Variants in MACF1 observed in about 807,000 individuals in gnomAD.
MACF1 encodes the protein microtubule-actin cross-linking factor 1.
In MACF1, 193 loss-of-function variants were observed where a neutral mutation model predicts 854.8. The ratio of observed to expected loss-of-function variants is 0.23; its 90% CI spans 0.20 to 0.25. MACF1 has a LOEUF of 0.25. Among genes scored for constraint, MACF1 ranks in the 10% least tolerant of loss-of-function variants. MACF1 has a pLI of 1.00. For synonymous variants in MACF1, 3,185 were observed against 3,226.7 expected (o/e 0.99, Z 0.44); for missense variants, 7,722 against 8,929.1 (o/e 0.86, Z 5.45).
At chr1:39,481,147 C>A in intron 99 of MACF1, 117 bp downstream of exon 99, 1 of 616,836 alleles carries the variant, frequency 1.6e-6, no homozygotes, top group South Asian at 2.1e-5. Context: ...GTGGTGCTTG[C>A]TGTCACAGCT....
rs1336410962 is a variant in MACF1 at position 39,385,920 on chromosome 1, G to C, written c.14335G>C (p.Asp4779His). Reference sequence around the variant, plus strand: ...TGCCCTGCCTCTCCAAGGTTTAGAAGACCTTGCAGGTAAGTTGGGGTGAAG... The same window carrying C: ...TGCCCTGCCTCTCCAAGGTTTAGAACACCTTGCAGGTAAGTTGGGGTGAAG... Reference protein sequence around the residue: ...TVALPLQGLEDLAADRINRLQ... With the variant: ...TVALPLQGLEHLAADRINRLQ... Residue 4779 changes from aspartate (D) to histidine (H), a missense_variant, in exon 57 of 101, where the codon GAC becomes CAC. Physicochemically the swap from Asp to His is moderately conservative, Grantham distance 81 (BLOSUM62 -1). Transcript: ENST00000564288. The C allele has an allele frequency of 6.2e-7, 1 of 1,604,750 alleles. No individual in the cohort carries two copies. Among genetic ancestry groups the C allele is most frequent in the Admixed American group, 1.7e-5 (1 of 58,940 alleles).
intron 58 of MACF1, chr1:39,412,142 A>G: frequency 1.2e-6 from 2 of 1,613,986 alleles, no homozygotes; most frequent in Non-Finnish European, 1.7e-6. Flanking sequence ...GAGCTGGCCA[A>G]AGACAATGGC....
intron 2 of MACF1, among the ~76,000 whole-genome samples, chr1:39,143,357 T>C (rs1317285001): frequency 1.3e-5 from 2 of 152,334 alleles, no homozygotes; most frequent in East Asian, 3.9e-4. Flanking sequence ...TGGCAATGTC[T>C]GGTTCATTTG....
chr1:39,295,730 A>C lies in MACF1; in HGVS notation c.2260-57A>C. On this transcript the variant is annotated intron_variant, in intron 19 of 100. Coordinates refer to ENST00000564288, the MANE Select transcript of MACF1 (RefSeq NM_001394062.1). ...TTGTACTTGGAAAATAGTATTGCGC[A>C]TATATATTGAGTCTGTTAAACTCAA... is the stretch of plus-strand genomic sequence containing the variant. 7.3e-6 allele frequency: 9 copies of C among 1,239,652 alleles called. No homozygotes were observed. In the South Asian group the frequency reaches 1.2e-4, roughly 16 times the overall value. 76.8% of individuals were successfully genotyped at this position (1,239,652 alleles called of 1,614,324 possible). A position where few individuals can be genotyped will look rare whatever the true frequency, so the allele number is the denominator to read the frequency against.
chr1:39,202,362 C>T (rs1455814277), upstream of MACF1, among the ~76,000 whole-genome samples: 4 of 151,142 alleles, frequency 2.6e-5, no homozygotes, highest in South Asian at 4.2e-4. Flanking sequence ...GCTGGCCGGG[C>T]GCAGTGGCTC....
At chr1:39,443,806 T>C (rs1004813025) in intron 79 of MACF1, among the ~76,000 whole-genome samples, 2 of 152,318 alleles carry the variant, frequency 1.3e-5, no homozygotes, top group South Asian at 4.1e-4. Flanking sequence ...TCAGCTTTAC[T>C]GGCACACATA....
intron 58 of MACF1, among the ~76,000 whole-genome samples, chr1:39,392,267 C>T (rs1642064836): frequency 6.6e-6 from 1 of 152,060 alleles, no homozygotes; most frequent in Non-Finnish European, 1.5e-5. Flanking sequence ...GTTCCATAGT[C>T]CCCAGGAGGC....
chr1:39,167,256 A>C (rs1052153235), intron 2 of MACF1, among the ~76,000 whole-genome samples: 2 of 149,130 alleles, frequency 1.3e-5, no homozygotes, highest in African/African-American at 4.9e-5. Context: ...GCCACCGCAC[A>C]CAGCCAGGGA....
chr1:39,386,012 C>G (rs1371639586), intron 57 of MACF1, 83 bp downstream of exon 57: 5 of 1,424,820 alleles, frequency 3.5e-6, no homozygotes, highest in Non-Finnish European at 4.7e-6. Context: ...TCCCAAGATT[C>G]TAGGATTCCC....
intron 88 of MACF1, among the ~76,000 whole-genome samples, chr1:39,454,252 G>A (rs1473745174): frequency 6.6e-6 from 1 of 152,198 alleles, no homozygotes; most frequent in African/African-American, 2.4e-5. Context: ...AGAAAATACA[G>A]TATTCACGGG....
At chr1:39,421,507 A>G (rs927954387) in intron 58 of MACF1, among the ~76,000 whole-genome samples, 1 of 152,186 alleles carries the variant, frequency 6.6e-6, no homozygotes, top group Non-Finnish European at 1.5e-5. Context: ...CTTGATCAGA[A>G]TGAAGTTAAA....
chr1:39,368,125 A>G, intron 49 of MACF1, 23 bp from the exon 50 acceptor site: 1 of 1,609,926 alleles, frequency 6.2e-7, no homozygotes, highest in Admixed American at 1.7e-5. Flanking sequence ...AGGATTTAAT[A>G]CATTTCCTTG....
chr1:39,138,606 G>T (rs185994906), intron 2 of MACF1, among the ~76,000 whole-genome samples: 1 of 151,942 alleles, frequency 6.6e-6, no homozygotes, highest in African/African-American at 2.4e-5. Flanking sequence ...AAAATGGCTG[G>T]TGTTAGATGA....
At chr1:39,229,288 G>A (rs1296604777) in intron 1 of MACF1, among the ~76,000 whole-genome samples, 35 of 152,120 alleles carry the variant, frequency 2.3e-4, no homozygotes, top group Admixed American at 2.1e-3. Flanking sequence ...ATTCAAGGCC[G>A]AAAAGAAGGA....
intron 85 of MACF1, 107 bp from the exon 86 acceptor site, chr1:39,452,049 A>G (rs1644352953): frequency 9.9e-7 from 1 of 1,010,896 alleles, no homozygotes; most frequent in African/African-American, 1.6e-5. Context: ...CCCTCTATGC[A>G]TAAAAGACAC....
At chr1:39,278,518 C>A (rs1645481053) in intron 6 of MACF1, among the ~76,000 whole-genome samples, 1 of 152,206 alleles carries the variant, frequency 6.6e-6, no homozygotes, top group African/African-American at 2.4e-5. Context: ...AATGAACATA[C>A]AATATCAATT....
chr1:39,393,781 C>T (rs1047742247), intron 58 of MACF1, among the ~76,000 whole-genome samples: 4 of 142,864 alleles, frequency 2.8e-5, no homozygotes, highest in Admixed American at 1.4e-4. Flanking sequence ...CGCAGTCCAG[C>T]GTGTAACAGA....
At chr1:39,115,258 T>A (rs974133454) in intron 2 of MACF1, among the ~76,000 whole-genome samples, 1 of 152,176 alleles carries the variant, frequency 6.6e-6, no homozygotes, top group Non-Finnish European at 1.5e-5. Context: ...GTTAGGAAGC[T>A]GTCACAGGAA....
chr1:39,287,802 T>C (rs1473790894), intron 15 of MACF1, among the ~76,000 whole-genome samples: 1 of 152,182 alleles, frequency 6.6e-6, no homozygotes, highest in Non-Finnish European at 1.5e-5. Flanking sequence ...CCACCATACC[T>C]GGCTTGACTT....
Sources: gnomAD v4.1 joint callset for allele counts (sites outside exome capture counted in the v4.1 genomes callset) on GRCh38, gnomAD v4.1.1 for gene constraint, MANE v1.5 for transcripts, NCBI Gene and HGNC (gene_info 2026-07-23, HGNC 2026-07-21) for gene names.